The following BCAR1 variants were observed in gnomAD, a reference collection of about 807,000 sequenced individuals.
BCAR1 encodes the protein breast cancer anti-estrogen resistance protein 1.
Under a neutral mutation model 67.6 loss-of-function variants are expected in BCAR1, and 30 were observed. The observed-to-expected ratio is 0.44, with a 90% CI of 0.33 to 0.60. The LOEUF (loss-of-function observed/expected upper bound fraction) is 0.60. Ranked by LOEUF, BCAR1 falls within the 20% of genes least tolerant of loss-of-function variation. The pLI is 0.02. For missense variants in BCAR1, 1,313 were observed against 1,222.3 expected (o/e 1.07, Z -1.11); for synonymous variants, 626 against 556.7 (o/e 1.12, Z -1.75).
chr16:75,242,028 G>C (rs988400166), intron 2 of BCAR1, among the ~76,000 whole-genome samples: 6 of 152,134 alleles, frequency 3.9e-5, no homozygotes, highest in Non-Finnish European at 7.4e-5. Context: ...AGAGGGGTTG[G>C]CCTGTGGAGG....
rs755948751 is a variant in BCAR1, at chr16:75,237,321, C to T, written c.657G>A (p.Gly219=). The change falls in exon 3 of 7, where the codon GGG becomes GGA. Residue 219 remains glycine, a synonymous_variant. Transcript: ENST00000162330. The part of the protein sequence containing the change: ...PAKVVVPTRV[G]QGYVYEAAQP... The stretch of plus-strand genomic sequence containing the variant: ...GGGCGGCCTCGTATACATAGCCCTG[C>T]CCCACGCGGGTGGGCACCACCACCT... 63 of 1,484,696 alleles carry T rather than the reference C, an allele frequency of 4.2e-5. No homozygotes were observed. The Admixed American group carries it at 9.1e-4, about 21-fold the overall frequency. 92.0% of individuals were successfully genotyped at this position (1,484,696 alleles called of 1,614,324 possible). A position where few individuals can be genotyped will look rare whatever the true frequency, so the allele number is the denominator to read the frequency against.
At chr16:75,243,704 C>G (rs1218767165) in intron 1 of BCAR1, among the ~76,000 whole-genome samples, 1 of 152,182 alleles carries the variant, frequency 6.6e-6, no homozygotes, top group Non-Finnish European at 1.5e-5. Flanking sequence ...CTTGCAGAGC[C>G]GGGTACGTGC....
At position 75,229,575 on chromosome 16, in the gene BCAR1, A is replaced by G; in HGVS notation, c.2549T>C (p.Val850Ala). 1 of 1,609,872 alleles carries G rather than the reference A, an allele frequency of 6.2e-7. No homozygotes were observed. ...CTGGGTGCTGTGGCCCAGCTCCTTG[A>G]CCCTCTCCACCATGTCCTGGGCCGC... ...PSAAQDMVER[V>A]KELGHSTQQF... Residue 850 changes from valine (V) to alanine (A), a missense_variant, in exon 7 of 7, where the codon GTC (valine) becomes GCC (alanine). This residue lies in a region of BCAR1 where 1,272 missense variants were observed against 1,137.5 expected (regional missense o/e 1.12). Transcript: ENST00000162330.
chr16:75,241,257 G>A (rs2077330017), intron 2 of BCAR1, among the ~76,000 whole-genome samples: 1 of 152,182 alleles, frequency 6.6e-6, no homozygotes, highest in Non-Finnish European at 1.5e-5. Flanking sequence ...GTCCATTTAT[G>A]GGGTATGGGA....
intron 1 of BCAR1, chr16:75,264,676 T>C: frequency 8.0e-7 from 1 of 1,248,714 alleles, no homozygotes; most frequent in East Asian, 3.1e-5. Context: ...GCTTTGCACT[T>C]GGCCAGCTTC....
upstream of BCAR1, among the ~76,000 whole-genome samples, chr16:75,255,538 A>G (rs751051728): frequency 2.6e-5 from 4 of 152,150 alleles, no homozygotes; most frequent in Non-Finnish European, 5.9e-5. Flanking sequence ...TCTACTAAAA[A>G]TACAAAAATT....
intron 1 of BCAR1, chr16:75,264,330 A>G: frequency 6.8e-7 from 1 of 1,480,298 alleles, no homozygotes; most frequent in Non-Finnish European, 8.9e-7. Context: ...ACATTCCCTA[A>G]TCACTACTGC....
Position 75,242,870 on chromosome 16 carries a change from G to A in BCAR1, c.233C>T (p.Pro78Leu), listed in dbSNP as rs370034634. Reference sequence around the variant, plus strand: ...CTGAGGCTGGGCCGGGGTGGCGGGAGGGCCGGGGCCAGGCCCTGCTGGCTT... The same window carrying A: ...CTGAGGCTGGGCCGGGGTGGCGGGAAGGCCGGGGCCAGGCCCTGCTGGCTT... Reference protein sequence around the residue: ...DKKPAGPGPGPPATPAQPQPG... With the variant: ...DKKPAGPGPGLPATPAQPQPG... The change falls in exon 2 of 7, where the codon CCT becomes CTT. Residue 78 changes from proline to leucine, a missense_variant. This residue lies in a region of BCAR1 where 1,272 missense variants were observed against 1,137.5 expected (regional missense o/e 1.12). Coordinates refer to ENST00000162330, the MANE Select transcript of BCAR1 (RefSeq NM_014567.5). The A allele has an allele frequency of 8.7e-6, 14 of 1,609,856 alleles. No individual in the cohort carries two copies. Among genetic ancestry groups the A allele is most frequent in the African/African-American group, 1.3e-5 (1 of 74,902 alleles).
At position 75,229,835 on chromosome 16, in the gene BCAR1, G is replaced by A. The variant is rs774898180; in HGVS notation, c.2289C>T (p.Asp763=). 29 of 1,613,400 alleles carry A rather than the reference G, an allele frequency of 1.8e-5. No individual in the cohort carries two copies. Among genetic ancestry groups the A allele is most frequent in the South Asian group, 2.2e-5 (2 of 91,086 alleles). The change falls in exon 7 of 7, where the codon GAC becomes GAT. Residue 763 remains aspartate, a synonymous_variant. Coordinates refer to ENST00000162330, the MANE Select transcript of BCAR1 (RefSeq NM_014567.5). ...TGGTGGCCACGGCGGTAAAGAAGGC[G>A]TCCACGGCGTTGGTCAGTGTGGTCA... ...ANLTTLTNAV[D]AFFTAVATNQ...
At chr16:75,255,223 C>T (rs939132846), upstream of BCAR1, among the ~76,000 whole-genome samples, 4 of 152,232 alleles carry the variant, frequency 2.6e-5, no homozygotes, top group Non-Finnish European at 4.4e-5. Flanking sequence ...TAAAGGCACA[C>T]AGCCCCCTCC....
chr16:75,233,364 T>C (rs4887809), intron 6 of BCAR1, among the ~76,000 whole-genome samples: 148,575 of 151,948 alleles, frequency 0.98, 72,650 homozygotes, highest in East Asian at 1. Flanking sequence ...CAGAACAAGA[T>C]TCTGTGTCAA....
Position 75,260,500 on chromosome 16 carries a change from G to A in BCAR1, c.66+7415C>T, listed in dbSNP as rs1433842242. 2.0e-5 allele frequency among the ~76,000 whole-genome samples: 3 copies of A among 151,938 alleles called. No homozygotes were observed. The East Asian group carries it at 5.8e-4, about 29-fold the overall frequency. ...AATACAAAAATTAGCTGGACATGGTGGCACATGCCTGTAATCCCAGCTACT... is the reference window on the plus strand; with the variant it reads ...AATACAAAAATTAGCTGGACATGGTAGCACATGCCTGTAATCCCAGCTACT... On this transcript the variant is annotated intron_variant, in intron 1 of 6. Transcript: ENST00000393422.
intron 1 of BCAR1, chr16:75,265,903 C>A (rs1321886968): frequency 4.8e-5 from 54 of 1,123,004 alleles, no homozygotes; most frequent in Non-Finnish European, 5.2e-5. Context: ...GGTCCGCCCG[C>A]GCCGCTCAGA....
chr16:75,237,446 C>T, intron 2 of BCAR1, 102 bp from the exon 3 acceptor site: 1 of 1,343,524 alleles, frequency 7.4e-7, no homozygotes, highest in Non-Finnish European at 9.7e-7. Flanking sequence ...GGGCAGGGCA[C>T]ACCAGGTGGA....
chr16:75,235,521 C>G lies in BCAR1; in HGVS notation c.1378G>C (p.Val460Leu), dbSNP rs1391894775. The change falls in exon 5 of 7, where the codon GTG becomes CTG. Residue 460 changes from valine (V) to leucine (L), a missense_variant. Coordinates refer to ENST00000162330, the MANE Select transcript of BCAR1 (RefSeq NM_014567.5). ...GREPLELEVA[V>L]EALARLQQGV... ...TGCTGCAGCCGTGCCAGGGCCTCCA[C>G]AGCAACTTCCAGCTCCAGGGGTTCC... The G allele has an allele frequency of 2.5e-6, 4 of 1,594,968 alleles. No individual in the cohort carries two copies. The highest frequency in any genetic ancestry group is 3.4e-6 in the Non-Finnish European group (4 of 1,171,612).
At chr16:75,238,974 C>T (rs1314157298) in intron 2 of BCAR1, 24 of 985,290 alleles carry the variant, frequency 2.4e-5, no homozygotes, top group African/African-American at 3.5e-5. Flanking sequence ...AGCACCCTGC[C>T]GGTGGCCATC....
At chr16:75,257,046 G>A (rs1358803654) in intron 1 of BCAR1, among the ~76,000 whole-genome samples, 1 of 152,234 alleles carries the variant, frequency 6.6e-6, no homozygotes, top group Non-Finnish European at 1.5e-5. Flanking sequence ...AGTCCTGGCT[G>A]GAAGGGGGAA....
chr16:75,251,769 G>A, upstream of BCAR1: 1 of 751,142 alleles, frequency 1.3e-6, no homozygotes, highest in Non-Finnish European at 1.6e-6. Flanking sequence ...AGCCCGCCCA[G>A]TAGGGGCCGC....
At chr16:75,254,194 G>A (rs1030037689), upstream of BCAR1, among the ~76,000 whole-genome samples, 1 of 152,146 alleles carries the variant, frequency 6.6e-6, no homozygotes, top group Non-Finnish European at 1.5e-5. Flanking sequence ...CAGGGCCAGG[G>A]AAGAAATGGG....
Sources: allele counts gnomAD v4.1 joint callset (sites outside exome capture counted in the v4.1 genomes callset), GRCh38; gene constraint gnomAD v4.1.1; regional missense constraint gnomAD v4.1.1; transcripts MANE v1.5; gene names NCBI Gene and HGNC (gene_info 2026-07-23, HGNC 2026-07-21).